The following ERG variants were observed in gnomAD, a reference collection of about 807,000 sequenced individuals.
ERG encodes the protein ETS transcription factor ERG, also known as transcriptional regulator ERG.
In ERG, 9 loss-of-function variants were observed where a neutral mutation model predicts 55.3. The ratio of observed to expected loss-of-function variants is 0.16; its 90% CI spans 0.10 to 0.28. The LOEUF is 0.28. Among genes scored for constraint, ERG ranks in the 10% least tolerant of loss-of-function variants. The pLI, the probability that ERG is intolerant of heterozygous loss-of-function variation, is 1.00. For missense variants in ERG, 434 were observed against 631.6 expected (o/e 0.69, Z 3.35); for synonymous variants, 223 against 237.3 (o/e 0.94, Z 0.55).
chr21:38,581,904 G>A (rs1399430835), intron 1 of ERG, among the ~76,000 whole-genome samples: 2 of 152,086 alleles, frequency 1.3e-5, no homozygotes, highest in African/African-American at 4.8e-5. Flanking sequence ...TTAGCCGGGC[G>A]TGGTGGTGGA....
intron 2 of ERG, among the ~76,000 whole-genome samples, chr21:38,437,722 A>G (rs1459450955): frequency 1.3e-5 from 2 of 152,072 alleles, no homozygotes; most frequent in Non-Finnish European, 2.9e-5. Flanking sequence ...TCCTCATGCC[A>G]TATGTCCAAC....
intron 1 of ERG, among the ~76,000 whole-genome samples, chr21:38,616,678 A>G (rs766979499): frequency 9.2e-5 from 14 of 152,180 alleles, no homozygotes; most frequent in African/African-American, 1.2e-4. Context: ...GAAACTGACC[A>G]TAAGTCTGCT....
the ERG span, among the ~76,000 whole-genome samples, chr21:38,371,956 GATGAAGCC>G: frequency 6.6e-6 from 1 of 152,106 alleles, no homozygotes; most frequent in South Asian, 2.1e-4. Flanking sequence ...TGACCTAACT[GATGAAGCC>G]ATCTGACTTT....
intron 1 of ERG, among the ~76,000 whole-genome samples, chr21:38,456,936 C>T (rs985977815): frequency 6.6e-6 from 1 of 152,198 alleles, no homozygotes; most frequent in South Asian, 2.1e-4. Flanking sequence ...TGGGTAGACC[C>T]CGTCCTGGTA....
At chr21:38,499,301 G>A (rs1192450588), upstream of ERG, among the ~76,000 whole-genome samples, 1 of 152,174 alleles carries the variant, frequency 6.6e-6, no homozygotes, top group Non-Finnish European at 1.5e-5. Flanking sequence ...TGCCATGTGA[G>A]GGCCCCATTA....
chr21:38,426,077 T>G (rs1305867869), intron 2 of ERG, among the ~76,000 whole-genome samples: 2 of 152,224 alleles, frequency 1.3e-5, no homozygotes, highest in Non-Finnish European at 2.9e-5. Flanking sequence ...CACGCAGGAC[T>G]CAGGCCCTAA....
chr21:38,604,709 T>C (rs529736943), intron 1 of ERG, among the ~76,000 whole-genome samples: 164 of 152,346 alleles, frequency 1.1e-3, no homozygotes, highest in African/African-American at 3.8e-3. Context: ...GATTGTGTCC[T>C]GTCTAAGTAC....
intron 1 of ERG, among the ~76,000 whole-genome samples, chr21:38,648,270 T>G (rs1206241964): frequency 6.6e-6 from 1 of 152,206 alleles, no homozygotes; most frequent in Non-Finnish European, 1.5e-5. Context: ...CCAGCATTTA[T>G]TCCCAACCTT....
chr21:38,621,233 C>T (rs548913663), intron 1 of ERG, among the ~76,000 whole-genome samples: 12 of 151,586 alleles, frequency 7.9e-5, no homozygotes, highest in Non-Finnish European at 1.5e-4. Context: ...AGATTATTGT[C>T]CCCAACTCTT....
At chr21:38,522,252 T>C (rs1197315119) in intron 2 of ERG, among the ~76,000 whole-genome samples, 1 of 151,920 alleles carries the variant, frequency 6.6e-6, no homozygotes, top group Non-Finnish European at 1.5e-5. Flanking sequence ...AGATATAAAA[T>C]GAGATTTGTA....
intron 2 of ERG, among the ~76,000 whole-genome samples, chr21:38,547,342 C>T (rs1340736808): frequency 6.6e-6 from 1 of 152,210 alleles, no homozygotes; most frequent in African/African-American, 2.4e-5. Context: ...TGTTGCTCAA[C>T]AAGATCTGCA....
At chr21:38,574,688 A>G (rs1406184168) in intron 2 of ERG, among the ~76,000 whole-genome samples, 1 of 152,242 alleles carries the variant, frequency 6.6e-6, no homozygotes, top group African/African-American at 2.4e-5. Flanking sequence ...ACACTTTTCA[A>G]TATCACAAAC....
chr21:38,381,593 T>C lies in ERG; in HGVS notation c.*1810A>G, dbSNP rs1199025472. On this transcript the variant is annotated 3_prime_UTR_variant, in exon 10 of 10. Transcript: ENST00000288319. The stretch of plus-strand genomic sequence containing the variant: ...TCTGTAAAGTGAGAAATTGCAGCTA[T>C]CCATGACGCTTTATTTGCCAGTAAT... The C allele has an allele frequency of 2.8e-6, 3 of 1,063,000 alleles. No homozygotes were observed. The highest frequency in any genetic ancestry group is 1.6e-5 in the African/African-American group (1 of 60,954). 65.8% of individuals were successfully genotyped at this position (1,063,000 alleles called of 1,614,324 possible). A position where few individuals can be genotyped will look rare whatever the true frequency, so the allele number is the denominator to read the frequency against.
chr21:38,403,068 T>C (rs1988583009), intron 4 of ERG, among the ~76,000 whole-genome samples: 1 of 152,236 alleles, frequency 6.6e-6, no homozygotes, highest in Non-Finnish European at 1.5e-5. Flanking sequence ...CCTTGTTCTG[T>C]GCTCAGGTTA....
chr21:38,619,802 AT>A (rs367612961), intron 1 of ERG, among the ~76,000 whole-genome samples: 1 of 152,244 alleles, frequency 6.6e-6, no homozygotes, highest in African/African-American at 2.4e-5. Flanking sequence ...TGGAGCATTC[AT>A]TTTATCCTGG....
intron 1 of ERG, among the ~76,000 whole-genome samples, chr21:38,462,823 A>G (rs892117898): frequency 7.9e-5 from 12 of 152,182 alleles, no homozygotes; most frequent in Admixed American, 7.9e-4. Context: ...CATCAGCTAC[A>G]CAGCACACAT....
At chr21:38,483,604 T>C (rs2146655268) in intron 1 of ERG, among the ~76,000 whole-genome samples, 1 of 152,124 alleles carries the variant, frequency 6.6e-6, no homozygotes, top group South Asian at 2.1e-4. Flanking sequence ...ATCCCAGCAC[T>C]TTGGGAGGCT....
intron 1 of ERG, among the ~76,000 whole-genome samples, chr21:38,478,449 G>T (rs554187710): frequency 5.2e-4 from 79 of 152,280 alleles, no homozygotes; most frequent in African/African-American, 1.6e-3. Flanking sequence ...CAGGAACACT[G>T]GGAGTTTCTT....
chr21:38,406,764 C>T (rs1024466404), intron 3 of ERG, among the ~76,000 whole-genome samples: 1 of 152,080 alleles, frequency 6.6e-6, no homozygotes, highest in African/African-American at 2.4e-5. Flanking sequence ...GACACATAAA[C>T]ATATTGTCTG....
Sources: allele counts gnomAD v4.1 joint callset (sites outside exome capture counted in the v4.1 genomes callset), GRCh38; gene constraint gnomAD v4.1.1; transcripts MANE v1.5; gene names NCBI Gene and HGNC (gene_info 2026-07-23, HGNC 2026-07-21).